ARHGEF3: variants seen among roughly 807,000 people sequenced by gnomAD.
The protein encoded by ARHGEF3 is 59.8 kDA protein.
Under a neutral mutation model 63.2 loss-of-function variants are expected in ARHGEF3, and 28 were observed. That is an observed-to-expected ratio of 0.44 (90% confidence interval 0.33 to 0.61). The LOEUF is 0.61. Among genes scored for constraint, ARHGEF3 ranks in the 20% least tolerant of loss-of-function variants. ARHGEF3 has a pLI of 0.03. For synonymous variants in ARHGEF3, 266 were observed against 254.2 expected (o/e 1.05, Z -0.44); for missense variants, 533 against 659.3 (o/e 0.81, Z 2.10).
intron 3 of ARHGEF3, among the ~76,000 whole-genome samples, chr3:56,928,334 G>C (rs1364422084): frequency 6.8e-6 from 1 of 146,172 alleles, no homozygotes; most frequent in Non-Finnish European, 1.5e-5. Context: ...GCGAGGTTGG[G>C]TTCCTGGCCC....
In ARHGEF3 at chr3:57,042,686, A is replaced by ATTTT. The variant is rs1560156239; in HGVS notation, c.-27-7511_-27-7510insAAAA. The stretch of plus-strand genomic sequence containing the variant: ...TATATATATATATATATATATATAT[A>ATTTT]TATATATATATATATTTTTTTTTTT... On this transcript the variant is annotated intron_variant, in intron 1 of 12. Coordinates refer to the ARHGEF3 transcript ENST00000338458. 3.9e-3 allele frequency among the ~76,000 whole-genome samples: 30 copies of ATTTT among 7,652 alleles called. 1 individual carries two copies. The highest frequency in any genetic ancestry group is 4.6e-3 in the East Asian group (1 of 218). The allele number at this position is 7,652 out of a possible 152,430, so 5.0% of individuals were successfully genotyped here.
chr3:56,924,788 G>A (rs568798604), intron 3 of ARHGEF3, among the ~76,000 whole-genome samples: 39 of 152,318 alleles, frequency 2.6e-4, no homozygotes, highest in African/African-American at 9.4e-4. Context: ...TTTATGACCT[G>A]TATCTTGTGC....
At chr3:56,757,185 G>A (rs111742282) in intron 2 of ARHGEF3, among the ~76,000 whole-genome samples, 1 of 152,186 alleles carries the variant, frequency 6.6e-6, no homozygotes, top group Non-Finnish European at 1.5e-5. Flanking sequence ...TAAATAAGTT[G>A]TAAGTGGCTG....
At chr3:57,021,540 G>C (rs1163290274) in intron 2 of ARHGEF3, among the ~76,000 whole-genome samples, 1 of 152,048 alleles carries the variant, frequency 6.6e-6, no homozygotes, top group Non-Finnish European at 1.5e-5. Flanking sequence ...GGCAGATCAT[G>C]AGGTCAGATT....
chr3:56,746,497 C>T (rs960817778), intron 6 of ARHGEF3, among the ~76,000 whole-genome samples: 3 of 152,098 alleles, frequency 2.0e-5, no homozygotes, highest in Non-Finnish European at 4.4e-5. Context: ...ATTGGGAAGC[C>T]GGGGCAGGCG....
At chr3:57,013,981 A>G (rs566861645) in intron 2 of ARHGEF3, among the ~76,000 whole-genome samples, 1 of 152,310 alleles carries the variant, frequency 6.6e-6, no homozygotes, top group South Asian at 2.1e-4. Context: ...TCTTTGCAAT[A>G]AATCTTGCTG....
chr3:56,971,590 G>A (rs1010312098), intron 2 of ARHGEF3, among the ~76,000 whole-genome samples: 3 of 151,280 alleles, frequency 2.0e-5, no homozygotes, highest in Non-Finnish European at 4.4e-5. Flanking sequence ...GGTGGCTCAC[G>A]CCTGAAATTC....
chr3:56,853,250 T>C (rs1222504196), intron 4 of ARHGEF3, among the ~76,000 whole-genome samples: 2 of 151,412 alleles, frequency 1.3e-5, no homozygotes, highest in South Asian at 2.1e-4. Flanking sequence ...CGAGAGATTG[T>C]GTAGAAGGAA....
Position 56,921,326 on chromosome 3 carries a change from A to G in ARHGEF3, c.129+37497T>C, listed in dbSNP as rs918120784. Among the ~76,000 whole-genome samples, 4 of 152,174 alleles carry G rather than the reference A, an allele frequency of 2.6e-5. No individual in the cohort carries two copies. The South Asian group carries it at 8.3e-4, about 32-fold the overall frequency. On this transcript the variant is annotated intron_variant, in intron 3 of 12. Coordinates refer to the ARHGEF3 transcript ENST00000338458. ...TTACCCAAGGTTCCAACATCATAAGATTATTAGTTCTCAGATCTTAGGTTT... is the reference window on the plus strand; with the variant it reads ...TTACCCAAGGTTCCAACATCATAAGGTTATTAGTTCTCAGATCTTAGGTTT...
chr3:56,855,081 A>G (rs772957007), intron 4 of ARHGEF3, among the ~76,000 whole-genome samples: 18 of 152,064 alleles, frequency 1.2e-4, no homozygotes, highest in Non-Finnish European at 2.2e-4. Context: ...ATTCAACACA[A>G]TAGTATGGAG....
At chr3:57,063,201 G>A (rs1056732055) in intron 1 of ARHGEF3, among the ~76,000 whole-genome samples, 2 of 152,208 alleles carry the variant, frequency 1.3e-5, no homozygotes, top group African/African-American at 4.8e-5. Context: ...TGGAGGTGAT[G>A]TGGCTAGAGT....
intron 1 of ARHGEF3, chr3:57,074,281 T>G (rs1478796691): frequency 1.9e-6 from 3 of 1,597,400 alleles, no homozygotes; most frequent in Non-Finnish European, 2.6e-6. Context: ...ATAATAATCC[T>G]GCAACATCTG....
rs535403198 is a variant in ARHGEF3, at chr3:56,738,760, T to G, written c.871-1405A>C. On this transcript the variant is annotated intron_variant, in intron 7 of 9. Coordinates refer to ENST00000296315, the MANE Select transcript of ARHGEF3 (RefSeq NM_019555.3). ...AATATATTTAAATGTTACAAAATGC[T>G]AGCAAACAAAGGGATGAGAAATTAG... Among the ~76,000 whole-genome samples, 12 of 152,170 alleles carry G rather than the reference T, an allele frequency of 7.9e-5. No individual in the cohort carries two copies. In the East Asian group the frequency reaches 2.3e-3, roughly 29 times the overall value.
chr3:56,907,958 AC>A (rs753061345), intron 3 of ARHGEF3, among the ~76,000 whole-genome samples: 2 of 152,108 alleles, frequency 1.3e-5, no homozygotes, highest in Non-Finnish European at 2.9e-5. Context: ...GATACAACAA[AC>A]CCCCATGACA....
intron 7 of ARHGEF3, among the ~76,000 whole-genome samples, chr3:56,742,824 G>A (rs191281791): frequency 2.0e-3 from 305 of 152,266 alleles, no homozygotes; most frequent in African/African-American, 6.5e-3. Flanking sequence ...CATACTTTAT[G>A]CACTAGGAAA....
chr3:56,893,170 A>AT (rs1284451605), intron 3 of ARHGEF3, among the ~76,000 whole-genome samples: 2 of 151,374 alleles, frequency 1.3e-5, no homozygotes, highest in Non-Finnish European at 2.9e-5. Context: ...CTTTGCTGGG[A>AT]TTTTTTATTT....
chr3:56,761,056 G>C (rs1251626168), intron 2 of ARHGEF3, among the ~76,000 whole-genome samples: 1 of 152,132 alleles, frequency 6.6e-6, no homozygotes, highest in Admixed American at 6.5e-5. Flanking sequence ...AGGATTACCT[G>C]AGGCCAGGAG....
At chr3:56,934,770 G>A (rs371095236) in intron 3 of ARHGEF3, among the ~76,000 whole-genome samples, 6 of 152,326 alleles carry the variant, frequency 3.9e-5, no homozygotes, top group East Asian at 1.9e-4. Context: ...GCTCCTGTGC[G>A]GCCCCAGCCT....
chr3:56,962,001 T>C (rs1389877359), intron 2 of ARHGEF3, among the ~76,000 whole-genome samples: 1 of 152,180 alleles, frequency 6.6e-6, no homozygotes, highest in Non-Finnish European at 1.5e-5. Flanking sequence ...GCTATGATCA[T>C]ATTACTGCCC....
Sources: gnomAD v4.1 joint callset for allele counts (sites outside exome capture counted in the v4.1 genomes callset) on GRCh38, gnomAD v4.1.1 for gene constraint, MANE v1.5 for transcripts, NCBI Gene and HGNC (gene_info 2026-07-23, HGNC 2026-07-21) for gene names.